SCAMP4: variants seen among roughly 807,000 people sequenced by gnomAD.
SCAMP4 encodes secretory carrier membrane protein 4, also known as secretory carrier-associated membrane protein 4.
In SCAMP4, 19 loss-of-function variants were observed where a neutral mutation model predicts 32.1. That is an observed-to-expected ratio of 0.59 (90% CI 0.41 to 0.87). SCAMP4 has a LOEUF of 0.87. Ranked by LOEUF, SCAMP4 falls within the 40% of genes least tolerant of loss-of-function variation. The probability of loss-of-function intolerance (pLI) is 0.00; values close to 1 mark genes in which losing one functional copy is unlikely to be tolerated. For synonymous variants in SCAMP4, 152 were observed against 132.7 expected (o/e 1.15, Z -1.00); for missense variants, 302 against 309.0 (o/e 0.98, Z 0.17).
At chr19:1,921,995 G>A (rs192011894) in intron 5 of SCAMP4, 14 of 985,462 alleles carry the variant, frequency 1.4e-5, no homozygotes, top group African/African-American at 1.7e-5. Context: ...GGACACATCC[G>A]GGGGTGTGGG....
Position 1,912,873 on chromosome 19 carries a change from G to A in SCAMP4, c.-41-2106G>A, listed in dbSNP as rs764986612. Reference sequence around the variant, plus strand: ...CGCCCCGGCCGCTGCCCCCCAGGCCGTCCGCGCAGGCGCCGTGCGTAAACT... The same window carrying A: ...CGCCCCGGCCGCTGCCCCCCAGGCCATCCGCGCAGGCGCCGTGCGTAAACT... On this transcript the variant is annotated intron_variant, in intron 1 of 6. Coordinates refer to ENST00000316097, the MANE Select transcript of SCAMP4 (RefSeq NM_079834.4). 21 of 1,601,802 alleles carry A rather than the reference G, an allele frequency of 1.3e-5. No homozygotes were observed. Among genetic ancestry groups the A allele is most frequent in the Middle Eastern group, 3.3e-4 (2 of 6,068 alleles).
At chr19:1,915,340 A>G in intron 2 of SCAMP4, 1 of 460,894 alleles carries the variant, frequency 2.2e-6, no homozygotes, top group Non-Finnish European at 3.9e-6. Context: ...GGGGTCCCTC[A>G]CCCACTCATT....
intron 5 of SCAMP4, chr19:1,919,226 T>TCGCCCTGGCAGTGCCTGCGTCCTCGCCAG: frequency 1.4e-6 from 2 of 1,380,108 alleles, no homozygotes; most frequent in Non-Finnish European, 1.9e-6. Flanking sequence ...GGGTCCGAGC[T>TCGCCCTGGCAGTGCCTGCGTCCTCGCCAG]CGCCCTGGCA....
intron 1 of SCAMP4, chr19:1,912,332 G>C (rs770997826): frequency 6.5e-7 from 1 of 1,533,150 alleles, no homozygotes; most frequent in South Asian, 1.2e-5. Context: ...AGCGGGTGCG[G>C]CCCAGCCGCG....
At chr19:1,910,646 G>A (rs1297275784) in intron 1 of SCAMP4, among the ~76,000 whole-genome samples, 4 of 149,086 alleles carry the variant, frequency 2.7e-5, no homozygotes, top group South Asian at 2.1e-4. Flanking sequence ...GCACGATCTC[G>A]GCTCACTGCA....
chr19:1,912,241 C>G (rs768647873), intron 1 of SCAMP4: 2 of 1,596,808 alleles, frequency 1.3e-6, no homozygotes, highest in Non-Finnish European at 1.7e-6. Flanking sequence ...TACGCCGCGC[C>G]CGTCCTGGAC....
At chr19:1,917,583 C>T in intron 2 of SCAMP4, 111 bp from the exon 3 acceptor site, 2 of 1,224,074 alleles carry the variant, frequency 1.6e-6, no homozygotes, top group Non-Finnish European at 2.3e-6. Flanking sequence ...ATCCCAACTG[C>T]AGAGTCCCTT....
chr19:1,918,044 CG>C, intron 3 of SCAMP4, 82 bp from the exon 4 acceptor site: 5 of 1,512,524 alleles, frequency 3.3e-6, no homozygotes, highest in Non-Finnish European at 3.6e-6. Flanking sequence ...AGGCGGACAG[CG>C]GGTGCCCCAT....
At chr19:1,907,943 G>A (rs1019845060) in intron 1 of SCAMP4, 2 of 153,838 alleles carry the variant, frequency 1.3e-5, no homozygotes, top group Non-Finnish European at 2.9e-5. Flanking sequence ...TGCCTGTTCC[G>A]GGATTTTGAC....
intron 1 of SCAMP4, among the ~76,000 whole-genome samples, chr19:1,910,892 C>T (rs35504210): frequency 0.078 from 10,671 of 136,846 alleles, 482 homozygotes; most frequent in Middle Eastern, 0.18. Flanking sequence ...TGTTTTTTGA[C>T]AGTCTCGCGC....
chr19:1,924,159 G>A lies in SCAMP4; in HGVS notation c.565G>A (p.Glu189Lys). 6.2e-7 allele frequency: 1 copy of A among 1,612,000 alleles called. No homozygotes were observed. The highest frequency in any genetic ancestry group is 8.5e-7 in the Non-Finnish European group (1 of 1,179,142). Residue 189 changes from glutamate (E) to lysine (K), a missense_variant, in exon 7 of 7, where the codon GAG becomes AAG. By Grantham distance (56) the Glu-to-Lys change is moderately conservative. Coordinates refer to ENST00000316097, the MANE Select transcript of SCAMP4 (RefSeq NM_079834.4). Reference sequence around the variant, plus strand: ...CGGAAGCTTCCAGAAGGCACAGACGGAGTGGAACACGGGCACTTGGCGGAA... The same window carrying A: ...CGGAAGCTTCCAGAAGGCACAGACGAAGTGGAACACGGGCACTTGGCGGAA... ...AGGSFQKAQTEWNTGTWRNPP... is the reference protein window; with the variant it reads ...AGGSFQKAQTKWNTGTWRNPP...
intron 1 of SCAMP4, 28 bp downstream of exon 1, chr19:1,905,467 T>G (rs1299434151): frequency 8.8e-6 from 4 of 454,280 alleles, no homozygotes; most frequent in South Asian, 4.8e-5. Flanking sequence ...AGGTCTCGGG[T>G]TCTCCAGGCT....
At position 1,915,150 on chromosome 19, in the gene SCAMP4, A is replaced by G. The variant is rs534592242; in HGVS notation, c.7+124A>G. The G allele has an allele frequency of 4.9e-5, 56 of 1,146,006 alleles. No homozygotes were observed. In the Admixed American group the frequency reaches 5.4e-4, roughly 11 times the overall value. 71.0% of individuals were successfully genotyped at this position (1,146,006 alleles called of 1,614,324 possible). Reference sequence around the variant, plus strand: ...GTCCTCCTGGCCCACCTGGCCTCTGACTCCTCGGGTCCCGTAGCCCAGCAC... The same window carrying G: ...GTCCTCCTGGCCCACCTGGCCTCTGGCTCCTCGGGTCCCGTAGCCCAGCAC... On this transcript the variant is annotated intron_variant, in intron 2 of 6. Coordinates refer to ENST00000316097, the MANE Select transcript of SCAMP4 (RefSeq NM_079834.4).
chr19:1,913,243 G>A, intron 1 of SCAMP4: 2 of 1,440,106 alleles, frequency 1.4e-6, no homozygotes, highest in Non-Finnish European at 1.8e-6. Flanking sequence ...GCACAAGCCT[G>A]ACCGTGGATT....
intron 1 of SCAMP4, among the ~76,000 whole-genome samples, chr19:1,911,413 C>T (rs1435367880): frequency 2.0e-5 from 3 of 152,052 alleles, no homozygotes; most frequent in Non-Finnish European, 4.4e-5. Context: ...CTCAAGTGAT[C>T]CCCCCACCTC....
At chr19:1,906,409 C>T (rs747558782) in intron 1 of SCAMP4, 4 of 151,536 alleles carry the variant, frequency 2.6e-5, no homozygotes, top group Non-Finnish European at 5.9e-5. Context: ...CATGGTGACA[C>T]ATGTCTGTGG....
chr19:1,921,510 G>C, intron 5 of SCAMP4: 1 of 985,428 alleles, frequency 1.0e-6, no homozygotes, highest in Non-Finnish European at 1.2e-6. Context: ...CCTCTAAGCG[G>C]AGCATGCAGC....
intron 1 of SCAMP4, chr19:1,912,575 G>C (rs1029088567): frequency 2.9e-5 from 43 of 1,497,008 alleles, no homozygotes; most frequent in Non-Finnish European, 3.7e-5. Context: ...CCAGCGCCCT[G>C]GCTGGGCGGC....
intron 1 of SCAMP4, among the ~76,000 whole-genome samples, chr19:1,913,937 G>C (rs1599245193): frequency 6.6e-6 from 1 of 152,164 alleles, no homozygotes; most frequent in East Asian, 1.9e-4. Context: ...TGGGGGCTCT[G>C]CGTGGGGAGC....
Sources: gnomAD v4.1 joint callset for allele counts (sites outside exome capture counted in the v4.1 genomes callset) on GRCh38, gnomAD v4.1.1 for gene constraint, MANE v1.5 for transcripts, NCBI Gene and HGNC (gene_info 2026-07-23, HGNC 2026-07-21) for gene names.